Variants in PACS1 observed in about 807,000 individuals in gnomAD.
The protein encoded by PACS1 is PACS-1.
PACS1 carries 24 observed loss-of-function variants against 115.0 expected under a neutral mutation model. That is an observed-to-expected ratio of 0.21 (90% CI 0.15 to 0.29). The LOEUF (loss-of-function observed/expected upper bound fraction) is 0.29, where lower values mean the gene tolerates loss of function less well. PACS1 is among the 10% of genes least tolerant of loss of function. PACS1 has a pLI of 1.00. For synonymous variants in PACS1, 453 were observed against 504.5 expected (o/e 0.90, Z 1.37); for missense variants, 838 against 1,251.2 (o/e 0.67, Z 4.98).
intron 1 of PACS1, among the ~76,000 whole-genome samples, chr11:66,166,129 C>T (rs1859595276): frequency 7.1e-6 from 1 of 141,784 alleles, no homozygotes; most frequent in African/African-American, 2.6e-5. Context: ...TTGCCTCTGA[C>T]CTCACATCTT....
intron 1 of PACS1, among the ~76,000 whole-genome samples, chr11:66,159,420 A>G (rs1859438311): frequency 6.6e-6 from 1 of 151,992 alleles, no homozygotes; most frequent in Admixed American, 6.6e-5. Flanking sequence ...CTGGGCAACA[A>G]GAGCAAAACT....
intron 1 of PACS1, among the ~76,000 whole-genome samples, chr11:66,164,591 A>G (rs1337458629): frequency 6.9e-6 from 1 of 144,048 alleles, no homozygotes; most frequent in African/African-American, 2.5e-5. Context: ...TATATGTATT[A>G]TATAATATAT....
intron 1 of PACS1, among the ~76,000 whole-genome samples, chr11:66,133,000 G>T (rs1349936614): frequency 6.6e-6 from 1 of 152,126 alleles, no homozygotes; most frequent in Non-Finnish European, 1.5e-5. Flanking sequence ...CATGGATATG[G>T]AACCTGTGGG....
intron 23 of PACS1, 26 bp downstream of exon 23, chr11:66,243,057 G>A: frequency 3.1e-6 from 5 of 1,613,632 alleles, no homozygotes. Context: ...GGGCCGGGAG[G>A]AGGGCAAGAA....
At chr11:66,226,819 C>T (rs989809973) in intron 10 of PACS1, among the ~76,000 whole-genome samples, 9 of 152,166 alleles carry the variant, frequency 5.9e-5, no homozygotes, top group Admixed American at 1.3e-4. Context: ...ACAACCCACA[C>T]GTCACTGCTG....
chr11:66,184,166 G>A (rs776236936), intron 1 of PACS1, among the ~76,000 whole-genome samples: 27 of 151,826 alleles, frequency 1.8e-4, no homozygotes, highest in Non-Finnish European at 3.8e-4. Flanking sequence ...AAGGGTATTA[G>A]CCGGGTGGTA....
At chr11:66,092,920 C>T (rs1270698346) in intron 1 of PACS1, among the ~76,000 whole-genome samples, 1 of 152,150 alleles carries the variant, frequency 6.6e-6, no homozygotes, top group Non-Finnish European at 1.5e-5. Context: ...TTACTGTAGC[C>T]TTATAGTATA....
chr11:66,118,282 T>C (rs1858352641), intron 1 of PACS1, among the ~76,000 whole-genome samples: 1 of 152,204 alleles, frequency 6.6e-6, no homozygotes, highest in African/African-American at 2.4e-5. Context: ...TATCAAGACC[T>C]TGAGCTGCTA....
chr11:66,118,997 G>A (rs760611506), intron 1 of PACS1, among the ~76,000 whole-genome samples: 1 of 152,156 alleles, frequency 6.6e-6, no homozygotes, highest in Non-Finnish European at 1.5e-5. Flanking sequence ...GTAGGCACAA[G>A]TGTCAGGGAA....
intron 1 of PACS1, among the ~76,000 whole-genome samples, chr11:66,174,917 T>G (rs907155793): frequency 2.6e-5 from 4 of 152,184 alleles, no homozygotes; most frequent in Non-Finnish European, 4.4e-5. Flanking sequence ...TTGGGAGGCC[T>G]AGGCGGGTGG....
intron 10 of PACS1, among the ~76,000 whole-genome samples, chr11:66,222,893 A>G (rs1369393016): frequency 6.6e-6 from 1 of 151,804 alleles, no homozygotes; most frequent in Non-Finnish European, 1.5e-5. Context: ...TGCTTAGGAC[A>G]GCGCCCCACG....
intron 1 of PACS1, among the ~76,000 whole-genome samples, chr11:66,116,709 T>G (rs1858314430): frequency 6.6e-6 from 1 of 151,186 alleles, no homozygotes; most frequent in Non-Finnish European, 1.5e-5. Flanking sequence ...GGCAACATGT[T>G]GAAATCACAT....
intron 1 of PACS1, among the ~76,000 whole-genome samples, chr11:66,187,639 C>T (rs571472767): frequency 1.3e-5 from 2 of 152,294 alleles, no homozygotes; most frequent in African/African-American, 4.8e-5. Context: ...GACAGGATCT[C>T]ACACTTTTTT....
chr11:66,215,935 TAATAATAATAATAATAAAC>T (rs1220222328), intron 4 of PACS1, among the ~76,000 whole-genome samples, 165 bp from the exon 5 acceptor site: 5 of 146,846 alleles, frequency 3.4e-5, no homozygotes, highest in African/African-American at 1.3e-4. Context: ...ATAATAATAA[TAATAATAATAATAATAAAC>T]AAAGTAAGAC....
At chr11:66,140,757 CAT>C (rs1283479532) in intron 1 of PACS1, among the ~76,000 whole-genome samples, 1 of 151,990 alleles carries the variant, frequency 6.6e-6, no homozygotes, top group African/African-American at 2.4e-5. Flanking sequence ...TACAAGCAAA[CAT>C]AAATTTATTT....
intron 1 of PACS1, among the ~76,000 whole-genome samples, chr11:66,075,502 G>A (rs865930230): frequency 2.0e-5 from 3 of 152,112 alleles, no homozygotes; most frequent in Admixed American, 6.5e-5. Flanking sequence ...TCAGTCTCTC[G>A]AAGTACTGGG....
At chr11:66,176,415 A>ATTTTTTT (rs11424379) in intron 1 of PACS1, among the ~76,000 whole-genome samples, 1 of 143,130 alleles carries the variant, frequency 7.0e-6, no homozygotes. Flanking sequence ...TAAGATCCAG[A>ATTTTTTT]TTTTTTTTTT....
At chr11:66,216,455 C>T in intron 5 of PACS1, 65 bp from the exon 6 acceptor site, 1 of 1,485,118 alleles carries the variant, frequency 6.7e-7, no homozygotes, top group Non-Finnish European at 9.4e-7. Context: ...TGATTCCAGC[C>T]CATCGAAGTT....
At chr11:66,145,728 T>G (rs1320660474) in intron 1 of PACS1, among the ~76,000 whole-genome samples, 1 of 152,178 alleles carries the variant, frequency 6.6e-6, no homozygotes, top group Non-Finnish European at 1.5e-5. Context: ...GAAAACTGCT[T>G]GAACTTTTGC....
Sources: allele counts gnomAD v4.1 joint callset (sites outside exome capture counted in the v4.1 genomes callset), GRCh38; gene constraint gnomAD v4.1.1; transcripts MANE v1.5; gene names NCBI Gene and HGNC (gene_info 2026-07-23, HGNC 2026-07-21).